NELL1: variants seen among roughly 807,000 people sequenced by gnomAD.
NELL1 encodes protein kinase C-binding protein NELL1.
NELL1 carries 76 observed loss-of-function variants against 107.4 expected under a neutral mutation model. The ratio of observed to expected loss-of-function variants is 0.71; its 90% CI spans 0.59 to 0.86. The LOEUF (loss-of-function observed/expected upper bound fraction) is 0.86. NELL1 is among the 40% of genes least tolerant of loss of function. NELL1 has a pLI of 0.00. For missense variants in NELL1, 1,024 were observed against 1,005.5 expected, an observed-to-expected ratio of 1.02 and a Z score of -0.25; for synonymous variants, 353 against 341.2, an observed-to-expected ratio of 1.03 and a Z score of -0.38.
At chr11:21,400,857 G>T (rs2133796161) in intron 15 of NELL1, among the ~76,000 whole-genome samples, 2 of 152,004 alleles carry the variant, frequency 1.3e-5, no homozygotes, top group South Asian at 4.2e-4. Context: ...TTGCCAGGGT[G>T]CCAGGGCACA....
chr11:20,945,467 A>T (rs1240836890), intron 10 of NELL1, among the ~76,000 whole-genome samples: 1 of 152,252 alleles, frequency 6.6e-6, no homozygotes, highest in African/African-American at 2.4e-5. Flanking sequence ...TCTGAGAGTG[A>T]CAGAGGTGAG....
At chr11:20,974,564 T>C (rs531752443) in intron 12 of NELL1, among the ~76,000 whole-genome samples, 1 of 152,318 alleles carries the variant, frequency 6.6e-6, no homozygotes, top group African/African-American at 2.4e-5. Context: ...AGAAATAATA[T>C]TTTCTCTGAA....
intron 15 of NELL1, among the ~76,000 whole-genome samples, chr11:21,389,699 C>A (rs996104611): frequency 6.6e-6 from 1 of 151,732 alleles, no homozygotes; most frequent in African/African-American, 2.4e-5. Context: ...GTGTCCAGAT[C>A]CTTTTGTTCA....
intron 14 of NELL1, among the ~76,000 whole-genome samples, chr11:21,355,276 G>GT (rs1178687435): frequency 6.6e-6 from 1 of 152,180 alleles, no homozygotes; most frequent in Non-Finnish European, 1.5e-5. Flanking sequence ...ACTGCAAAGA[G>GT]TTTTTGATAT....
intron 15 of NELL1, among the ~76,000 whole-genome samples, chr11:21,477,813 A>G (rs1854382147): frequency 6.6e-6 from 1 of 151,166 alleles, no homozygotes; most frequent in Non-Finnish European, 1.5e-5. Flanking sequence ...AGAGTGAATT[A>G]AGATTCCTAT....
intron 15 of NELL1, among the ~76,000 whole-genome samples, chr11:21,506,532 T>G (rs181064050): frequency 1.5e-4 from 23 of 152,338 alleles, no homozygotes; most frequent in Non-Finnish European, 2.5e-4. Context: ...TTTTGACATA[T>G]TCTCACTGTG....
At chr11:21,300,559 T>G (rs1028927340) in intron 14 of NELL1, among the ~76,000 whole-genome samples, 1 of 151,592 alleles carries the variant, frequency 6.6e-6, no homozygotes, top group Non-Finnish European at 1.5e-5. Flanking sequence ...AGGAGGAGGG[T>G]ACTCAGGAGG....
intron 5 of NELL1, among the ~76,000 whole-genome samples, chr11:20,913,781 A>G (rs924865761): frequency 4.1e-5 from 6 of 147,456 alleles, no homozygotes; most frequent in Non-Finnish European, 9.0e-5. Flanking sequence ...GCTGAGGTTC[A>G]TCATTACACT....
At chr11:20,991,151 A>G (rs901697075) in intron 12 of NELL1, among the ~76,000 whole-genome samples, 4 of 152,232 alleles carry the variant, frequency 2.6e-5, no homozygotes, top group African/African-American at 9.6e-5. Context: ...CAAGGGGAGC[A>G]AAGTCTTGCC....
At chr11:20,689,797 A>G (rs983542802) in intron 2 of NELL1, among the ~76,000 whole-genome samples, 18 of 151,816 alleles carry the variant, frequency 1.2e-4, no homozygotes, top group African/African-American at 4.4e-4. Context: ...TTGGGTATAT[A>G]CTCAGTAATG....
chr11:21,078,517 TAGGC>T (rs1339350311), intron 12 of NELL1, among the ~76,000 whole-genome samples: 1 of 152,092 alleles, frequency 6.6e-6, no homozygotes, highest in East Asian at 1.9e-4. Flanking sequence ...CCATAGGAAA[TAGGC>T]AGTCATGGTG....
At chr11:20,748,453 G>A (rs777745614) in intron 2 of NELL1, among the ~76,000 whole-genome samples, 22 of 152,144 alleles carry the variant, frequency 1.4e-4, no homozygotes, top group Non-Finnish European at 2.2e-4. Context: ...TTTTGGTTAC[G>A]TGGATTAATT....
At chr11:21,447,548 G>T (rs905774616) in intron 15 of NELL1, among the ~76,000 whole-genome samples, 2 of 152,164 alleles carry the variant, frequency 1.3e-5, no homozygotes, top group African/African-American at 2.4e-5. Context: ...TCTGCCCAAT[G>T]CCCTATCCTA....
At chr11:21,150,095 G>C (rs1247346670) in intron 13 of NELL1, among the ~76,000 whole-genome samples, 4 of 152,102 alleles carry the variant, frequency 2.6e-5, no homozygotes, top group African/African-American at 9.7e-5. Context: ...AAAGTCCTGT[G>C]GCAGTGGGAA....
chr11:20,792,596 T>C (rs1857096740), intron 3 of NELL1, among the ~76,000 whole-genome samples: 1 of 152,006 alleles, frequency 6.6e-6, no homozygotes, highest in South Asian at 2.1e-4. Flanking sequence ...TAAATATCTT[T>C]TCAGTGTGCA....
intron 3 of NELL1, among the ~76,000 whole-genome samples, chr11:20,814,561 A>ATTCTTGTGT (rs1198401836): frequency 6.6e-6 from 1 of 152,146 alleles, no homozygotes; most frequent in Admixed American, 6.6e-5. Flanking sequence ...TTGGTTTTCT[A>ATTCTTGTGT]TTCTTGTGTT....
At chr11:20,705,708 T>C (rs940115796) in intron 2 of NELL1, among the ~76,000 whole-genome samples, 240 of 147,218 alleles carry the variant, frequency 1.6e-3, no homozygotes, top group Admixed American at 4.5e-3. Context: ...CAAAAGAAAC[T>C]ACCATCAGAG....
intron 2 of NELL1, among the ~76,000 whole-genome samples, chr11:20,767,510 C>T (rs371225996): frequency 1.6e-4 from 24 of 152,158 alleles, no homozygotes; most frequent in East Asian, 5.8e-4. Context: ...AGACATAGAG[C>T]GCTGATTGGT....
chr11:20,832,102 A>G (rs1590334281), intron 3 of NELL1, among the ~76,000 whole-genome samples: 2 of 152,314 alleles, frequency 1.3e-5, no homozygotes. Flanking sequence ...GGTCTTACTA[A>G]TGGCCCCCTG....
Sources: allele counts gnomAD v4.1 joint callset (sites outside exome capture counted in the v4.1 genomes callset), GRCh38; gene constraint gnomAD v4.1.1; transcripts MANE v1.5; gene names NCBI Gene and HGNC (gene_info 2026-07-23, HGNC 2026-07-21).